MAP7: variants seen among roughly 807,000 people sequenced by gnomAD.
The protein encoded by MAP7 is microtubule associated protein 7.
A neutral mutation model predicts 94.8 loss-of-function variants in MAP7; 52 were observed. That is an observed-to-expected ratio of 0.55 (90% CI 0.44 to 0.69). The LOEUF (loss-of-function observed/expected upper bound fraction) is 0.69. MAP7 is among the 30% of genes least tolerant of loss of function. The pLI is 0.00. For synonymous variants in MAP7, 350 were observed against 357.0 expected, an observed-to-expected ratio of 0.98 and a Z score of 0.22; for missense variants, 940 against 964.6, an observed-to-expected ratio of 0.97 and a Z score of 0.34.
chr6:136,470,371 G>A (rs1014787722), intron 1 of MAP7, among the ~76,000 whole-genome samples: 4 of 151,866 alleles, frequency 2.6e-5, no homozygotes, highest in African/African-American at 7.3e-5. Flanking sequence ...TATATTTAGG[G>A]TGTACAACAT....
Position 136,371,084 on chromosome 6 carries a change from T to G in MAP7, c.876+1417A>C, listed in dbSNP as rs562675748. On this transcript the variant is annotated intron_variant, in intron 8 of 17. Coordinates refer to ENST00000354570, the MANE Select transcript of MAP7 (RefSeq NM_003980.6). ...GTTAGTATTTGCCTAAATACTTGGT[T>G]GTAAAGAGGTAAAAAGACAGCTATG... is the stretch of plus-strand genomic sequence containing the variant. Among the ~76,000 whole-genome samples, 6 of 152,206 alleles carry G rather than the reference T, an allele frequency of 3.9e-5. No individual in the cohort carries two copies. The South Asian group carries it at 1.2e-3, about 32-fold the overall frequency.
chr6:136,412,680 C>T (rs548047364), intron 2 of MAP7, among the ~76,000 whole-genome samples: 7 of 152,034 alleles, frequency 4.6e-5, no homozygotes, highest in East Asian at 3.9e-4. Flanking sequence ...GAGTAAGCGA[C>T]GGGGCTCATG....
chr6:136,539,620 GA>G (rs1161212646), intron 1 of MAP7, among the ~76,000 whole-genome samples: 1 of 152,186 alleles, frequency 6.6e-6, no homozygotes, highest in Admixed American at 6.5e-5. Context: ...AGCCCTCCCA[GA>G]AAAAGCTTCA....
In MAP7 at chr6:136,343,852, A is replaced by ATT. The variant is rs58541073; in HGVS notation, c.*374_*375dup. On this transcript the variant is annotated 3_prime_UTR_variant, in exon 18 of 18. Transcript: ENST00000354570. ...TTTCAAGTATTATAAAAGGTAAAAA[A>ATT]TTTTTTTTGCCAATTTTACATGTTA... 1 of 157,878 alleles carries ATT rather than the reference A, an allele frequency of 6.3e-6. No homozygotes were observed. Among genetic ancestry groups the ATT allele is most frequent in the African/African-American group, 2.4e-5 (1 of 41,722 alleles). 9.8% of individuals were successfully genotyped at this position (157,878 alleles called of 1,614,324 possible).
intron 6 of MAP7, among the ~76,000 whole-genome samples, chr6:136,378,537 C>T (rs1191215897): frequency 6.6e-6 from 1 of 152,058 alleles, no homozygotes; most frequent in East Asian, 1.9e-4. Context: ...AAAAATTTGG[C>T]CAAGGACAAG....
At chr6:136,537,014 G>C (rs1003517431) in intron 1 of MAP7, among the ~76,000 whole-genome samples, 1 of 152,116 alleles carries the variant, frequency 6.6e-6, no homozygotes, top group African/African-American at 2.4e-5. Context: ...AAGGTTTCTT[G>C]AAGACTTACT....
chr6:136,435,136 G>A (rs554280866), intron 1 of MAP7, among the ~76,000 whole-genome samples: 69 of 152,248 alleles, frequency 4.5e-4, no homozygotes, highest in African/African-American at 1.6e-3. Flanking sequence ...CATCCACTTG[G>A]GGGTTGGTGC....
intron 1 of MAP7, among the ~76,000 whole-genome samples, chr6:136,442,893 G>A (rs1173533187): frequency 2.0e-5 from 3 of 152,078 alleles, no homozygotes; most frequent in Admixed American, 2.0e-4. Flanking sequence ...GATTCCTCTA[G>A]CACCTGGTAA....
intron 1 of MAP7, among the ~76,000 whole-genome samples, chr6:136,456,454 T>G (rs1404344609): frequency 1.3e-5 from 2 of 151,978 alleles, no homozygotes; most frequent in African/African-American, 4.8e-5. Flanking sequence ...GGAGAATTGC[T>G]TGAGGCCAGT....
intron 3 of MAP7, among the ~76,000 whole-genome samples, chr6:136,407,136 G>A (rs1474834407): frequency 1.3e-5 from 2 of 152,148 alleles, no homozygotes; most frequent in South Asian, 4.1e-4. Flanking sequence ...TATCATTATT[G>A]CTATTATTTC....
chr6:136,487,464 A>G (rs913055884), intron 1 of MAP7, among the ~76,000 whole-genome samples: 5 of 152,140 alleles, frequency 3.3e-5, no homozygotes, highest in African/African-American at 1.2e-4. Context: ...TAATCCCAGC[A>G]CTTTGGGAGA....
At chr6:136,546,632 T>C (rs1469135340) in intron 1 of MAP7, among the ~76,000 whole-genome samples, 1 of 152,180 alleles carries the variant, frequency 6.6e-6, no homozygotes, top group African/African-American at 2.4e-5. Flanking sequence ...AACCTGCAAC[T>C]GTTTGTTGGT....
intron 17 of MAP7, 140 bp downstream of exon 17, chr6:136,345,716 C>G: frequency 1.3e-6 from 1 of 768,434 alleles, no homozygotes; most frequent in Non-Finnish European, 2.3e-6. Context: ...GAGCCAGGCA[C>G]AATCTCTTCC....
intron 1 of MAP7, among the ~76,000 whole-genome samples, chr6:136,489,097 C>T (rs145160825): frequency 1.7e-3 from 265 of 152,160 alleles, no homozygotes; most frequent in African/African-American, 6.2e-3. Context: ...TCAGTAGGTG[C>T]TCATCTCCTT....
At chr6:136,453,075 C>T (rs1162564456) in intron 1 of MAP7, among the ~76,000 whole-genome samples, 1 of 152,150 alleles carries the variant, frequency 6.6e-6, no homozygotes. Context: ...CTAGGCATCT[C>T]TCATGAATAC....
At chr6:136,491,159 A>AT (rs1299004594) in intron 1 of MAP7, among the ~76,000 whole-genome samples, 2 of 152,148 alleles carry the variant, frequency 1.3e-5, no homozygotes, top group African/African-American at 2.4e-5. Flanking sequence ...AACTGGTAGC[A>AT]TTTTTTTAAT....
At chr6:136,453,831 G>A (rs1562418533) in intron 1 of MAP7, among the ~76,000 whole-genome samples, 1 of 152,140 alleles carries the variant, frequency 6.6e-6, no homozygotes, top group Non-Finnish European at 1.5e-5. Context: ...TGCTTGCTTG[G>A]ACACTGAAGA....
Position 136,459,000 on chromosome 6 carries a change from T to A in MAP7, c.68-37201A>T, listed in dbSNP as rs889693703. ...GAGAAAATAATTGCAAACCATATCATCTGATGAGGGGTTAGTATTTAAAAT... is the reference window on the plus strand; with the variant it reads ...GAGAAAATAATTGCAAACCATATCAACTGATGAGGGGTTAGTATTTAAAAT... On this transcript the variant is annotated intron_variant, in intron 1 of 17. Transcript: ENST00000354570. Among the ~76,000 whole-genome samples the A allele has an allele frequency of 2.6e-5, 4 of 152,022 alleles. No individual in the cohort carries two copies. In the East Asian group the frequency reaches 7.7e-4, roughly 29 times the overall value.
At chr6:136,505,529 C>A (rs188516335) in intron 1 of MAP7, among the ~76,000 whole-genome samples, 1 of 151,426 alleles carries the variant, frequency 6.6e-6, no homozygotes, top group Non-Finnish European at 1.5e-5. Flanking sequence ...TTTGCTATAG[C>A]TAGACAATCG....
Sources: gnomAD v4.1 joint callset for allele counts (sites outside exome capture counted in the v4.1 genomes callset) on GRCh38, gnomAD v4.1.1 for gene constraint, MANE v1.5 for transcripts, NCBI Gene and HGNC (gene_info 2026-07-23, HGNC 2026-07-21) for gene names.